Variants in ESS2 observed in about 807,000 individuals in gnomAD.
ESS2 encodes ess-2 spliceosome associated protein.
In ESS2, 31 loss-of-function variants were observed where a neutral mutation model predicts 52.0. The ratio of observed to expected loss-of-function variants is 0.60; its 90% CI spans 0.45 to 0.81. The LOEUF (loss-of-function observed/expected upper bound fraction) is 0.81, where lower values mean the gene tolerates loss of function less well. Ranked by LOEUF, ESS2 falls within the 30% of genes least tolerant of loss-of-function variation. The pLI is 0.00. For synonymous variants in ESS2, 285 were observed against 259.2 expected (o/e 1.10, Z -0.95); for missense variants, 602 against 637.2 (o/e 0.94, Z 0.59).
chr22:19,131,317 C>A lies in ESS2; in HGVS notation c.*2879G>T. The A allele has an allele frequency of 5.5e-6, 7 of 1,282,172 alleles. 1 individual carries two copies. The highest frequency in any genetic ancestry group is 3.8e-4 in the Middle Eastern group (2 of 5,226). 79.4% of individuals were successfully genotyped at this position (1,282,172 alleles called of 1,614,324 possible). On this transcript the variant is annotated 3_prime_UTR_variant, in exon 10 of 10. Transcript: ENST00000252137. The surrounding 1 kb of genome is among the most constrained non-coding windows in gnomAD (Gnocchi z 5.7). Reference sequence around the variant, plus strand: ...CCAGGGCAGCCCAGCCAGACGCCTCCGGTAGTGTAAATGAGGACAATGCCT... The same window carrying A: ...CCAGGGCAGCCCAGCCAGACGCCTCAGGTAGTGTAAATGAGGACAATGCCT...
chr22:19,142,464 C>T (rs1175960506), intron 3 of ESS2, 74 bp downstream of exon 3: 26 of 1,379,632 alleles, frequency 1.9e-5, no homozygotes, highest in Non-Finnish European at 2.6e-5. Flanking sequence ...TCTGGACCAC[C>T]CCCTCAGGGC....
At chr22:19,136,082 G>A (rs2083576560) in intron 8 of ESS2, among the ~76,000 whole-genome samples, 2 of 149,268 alleles carry the variant, frequency 1.3e-5, no homozygotes, top group Admixed American at 1.3e-4. Flanking sequence ...GCTCACGCCT[G>A]TAATCCCAGC....
In ESS2 at chr22:19,133,489, A is replaced by T. The variant is rs2083529910; in HGVS notation, c.*707T>A. On this transcript the variant is annotated 3_prime_UTR_variant, in exon 10 of 10. Transcript: ENST00000252137. The stretch of plus-strand genomic sequence containing the variant: ...GCAGCATAAGATGGGCAGTGCCTAT[A>T]GCAGAGGGGTGAGTGGGATAGTCCC... 6.6e-6 allele frequency: 1 copy of T among 152,600 alleles called. No homozygotes were observed. The highest frequency in any genetic ancestry group is 1.5e-5 in the Non-Finnish European group (1 of 68,356). 9.5% of individuals were successfully genotyped at this position (152,600 alleles called of 1,614,324 possible).
chr22:19,138,332 G>C lies in ESS2; in HGVS notation c.823-15C>G. ...CCCTGTTTGTGCTGGAACAAGCAGAGAGGCTGGCATCAGGGGGACCGCAGC... is the reference window on the plus strand; with the variant it reads ...CCCTGTTTGTGCTGGAACAAGCAGACAGGCTGGCATCAGGGGGACCGCAGC... On this transcript the variant is annotated splice_polypyrimidine_tract_variant and intron_variant, in intron 6 of 9. Coordinates refer to ENST00000252137, the MANE Select transcript of ESS2 (RefSeq NM_022719.3). The C allele has an allele frequency of 1.2e-6, 2 of 1,612,792 alleles. No homozygotes were observed. The highest frequency in any genetic ancestry group is 1.7e-6 in the Non-Finnish European group (2 of 1,179,186).
rs554154308 is a variant in ESS2 at position 19,141,914 on chromosome 22, T to G, written c.400+624A>C. Among the ~76,000 whole-genome samples the G allele has an allele frequency of 3.9e-5, 6 of 152,228 alleles. No individual in the cohort carries two copies. The South Asian group carries it at 1.2e-3, about 32-fold the overall frequency. ...TAAGGCAGGGAGAATTGCTTGAACC[T>G]GGGAGGTGGAGGTTGCAGTGAGCCG... On this transcript the variant is annotated intron_variant, in intron 3 of 9. Transcript: ENST00000252137.
In ESS2 at chr22:19,139,677, C is replaced by T; in HGVS notation, c.623G>A (p.Ser208Asn). ...LPSAEHQAIE[S>N]SQASVETWKY... is the part of the protein sequence containing the mutation. Reference sequence around the variant, plus strand: ...CCAGGTCTCCACACTGGCCTGGCTGCTCTCGATGGCCTGGTGCTCTGCTGA... The same window carrying T: ...CCAGGTCTCCACACTGGCCTGGCTGTTCTCGATGGCCTGGTGCTCTGCTGA... Residue 208 changes from serine (S) to asparagine (N), a missense_variant, in exon 5 of 10, where the codon AGC becomes AAC. By Grantham distance (46) the Ser-to-Asn change is conservative. Coordinates refer to ENST00000252137, the MANE Select transcript of ESS2 (RefSeq NM_022719.3). 6.2e-7 allele frequency: 1 copy of T among 1,614,238 alleles called. No homozygotes were observed. Among genetic ancestry groups the T allele is most frequent in the Non-Finnish European group, 8.5e-7 (1 of 1,180,036 alleles).
In ESS2 at chr22:19,132,265, GGGA is replaced by G; in HGVS notation, c.*1928_*1930del. ...TCTTCTGCCTCCTTCAAGAGGGAGG[GGGA>G]GGGCAAGTACCGCGCTGAGTGCAAA... On this transcript the variant is annotated 3_prime_UTR_variant, in exon 10 of 10. Transcript: ENST00000252137. The surrounding 1 kb of genome is among the most constrained non-coding windows in gnomAD (Gnocchi z 4.2). The G allele has an allele frequency of 6.2e-7, 1 of 1,612,784 alleles. No individual in the cohort carries two copies. The highest frequency in any genetic ancestry group is 8.5e-7 in the Non-Finnish European group (1 of 1,179,246).
intron 4 of ESS2, 39 bp from the exon 5 acceptor site, chr22:19,139,768 C>A: frequency 6.2e-7 from 1 of 1,614,016 alleles, no homozygotes; most frequent in Non-Finnish European, 8.5e-7. Flanking sequence ...CAGAGATGCC[C>A]CTGGGCATTG....
At chr22:19,136,021 C>G (rs1377154863) in intron 8 of ESS2, among the ~76,000 whole-genome samples, 2 of 130,794 alleles carry the variant, frequency 1.5e-5, no homozygotes, top group African/African-American at 3.0e-5. Flanking sequence ...CAGAGTGAAA[C>G]CCTATCTGTT....
rs761756482 is a variant in ESS2 at position 19,139,679 on chromosome 22, C to T, written c.621G>A (p.Glu207=). 5 of 1,614,122 alleles carry T rather than the reference C, an allele frequency of 3.1e-6. No individual in the cohort carries two copies. Among genetic ancestry groups the T allele is most frequent in the Middle Eastern group, 1.6e-4 (1 of 6,084 alleles). ...AGGTCTCCACACTGGCCTGGCTGCT[C>T]TCGATGGCCTGGTGCTCTGCTGACG... ...ELPSAEHQAI[E]SSQASVETWK... The change falls in exon 5 of 10, where the codon GAG becomes GAA. Residue 207 remains glutamate, a synonymous_variant. Transcript: ENST00000252137.
chr22:19,131,138 G>A lies in ESS2; in HGVS notation c.*3058C>T, dbSNP rs1161131144. The stretch of plus-strand genomic sequence containing the variant: ...GCTTCCTTCCAGCGGGCGGGGAGTG[G>A]GTGCTCCTGCCAGACCAGCCTGGCT... On this transcript the variant is annotated 3_prime_UTR_variant, in exon 10 of 10. Coordinates refer to ENST00000252137, the MANE Select transcript of ESS2 (RefSeq NM_022719.3). This position sits in a 1 kb window ranked among gnomAD's most constrained non-coding sequence, Gnocchi z 5.7. 4.5e-6 allele frequency: 2 copies of A among 441,804 alleles called. No individual in the cohort carries two copies. The highest frequency in any genetic ancestry group is 8.1e-6 in the Non-Finnish European group (2 of 246,902). 27.4% of individuals were successfully genotyped at this position (441,804 alleles called of 1,614,324 possible). A position where few individuals can be genotyped will look rare whatever the true frequency, so the allele number is the denominator to read the frequency against.
intron 8 of ESS2, 67 bp downstream of exon 8, chr22:19,137,256 A>T: frequency 8.4e-7 from 1 of 1,196,094 alleles, no homozygotes; most frequent in Non-Finnish European, 1.2e-6. Flanking sequence ...GTCCTGAGCC[A>T]CAGGCACTCA....
chr22:19,140,183 C>T (rs1212392920), intron 3 of ESS2, among the ~76,000 whole-genome samples, 159 bp from the exon 4 acceptor site: 3 of 152,192 alleles, frequency 2.0e-5, no homozygotes, highest in East Asian at 3.8e-4. Context: ...CAAGGACTCC[C>T]CACGGGGGCA....
intron 8 of ESS2, among the ~76,000 whole-genome samples, chr22:19,136,429 T>C (rs1037302943): frequency 6.6e-6 from 1 of 152,142 alleles, no homozygotes; most frequent in Non-Finnish European, 1.5e-5. Flanking sequence ...TGTTTTTACA[T>C]GTAACCTTTT....
At chr22:19,141,357 T>C (rs2083683120) in intron 3 of ESS2, among the ~76,000 whole-genome samples, 1 of 152,080 alleles carries the variant, frequency 6.6e-6, no homozygotes, top group African/African-American at 2.4e-5. Context: ...CGTTTGTCTA[T>C]ACATGCACTG....
chr22:19,132,491 C>T lies in ESS2; in HGVS notation c.*1705G>A, dbSNP rs759728904. The T allele has an allele frequency of 9.4e-6, 15 of 1,590,532 alleles. No individual in the cohort carries two copies. Among genetic ancestry groups the T allele is most frequent in the South Asian group, 3.4e-5 (3 of 88,310 alleles). ...CAAGCACCTAGCATGACAATGGCCC[C>T]GTTGTGTGTGGTGGGGGTCGGGGTT... is the stretch of plus-strand genomic sequence containing the variant. On this transcript the variant is annotated 3_prime_UTR_variant, in exon 10 of 10. Transcript: ENST00000252137. The surrounding 1 kb of genome is among the most constrained non-coding windows in gnomAD (Gnocchi z 4.2).
chr22:19,139,671 T>G lies in ESS2; in HGVS notation c.629A>C (p.Gln210Pro). 6.2e-7 allele frequency: 1 copy of G among 1,614,234 alleles called. No individual in the cohort carries two copies. Among genetic ancestry groups the G allele is most frequent in the Non-Finnish European group, 8.5e-7 (1 of 1,180,032 alleles). ...SAEHQAIESS[Q>P]ASVETWKYKA... ...GTACTTCCAGGTCTCCACACTGGCC[T>G]GGCTGCTCTCGATGGCCTGGTGCTC... Residue 210 changes from glutamine to proline, a missense_variant, in exon 5 of 10, where the codon CAG becomes CCG. Coordinates refer to ENST00000252137, the MANE Select transcript of ESS2 (RefSeq NM_022719.3).
Position 19,131,564 on chromosome 22 carries a change from A to G in ESS2, c.*2632T>C. On this transcript the variant is annotated 3_prime_UTR_variant, in exon 10 of 10. Coordinates refer to ENST00000252137, the MANE Select transcript of ESS2 (RefSeq NM_022719.3). This position sits in a 1 kb window ranked among gnomAD's most constrained non-coding sequence, Gnocchi z 5.7. Reference sequence around the variant, plus strand: ...AAACACCTACTGACTTTGTGGAGAGATTCCTTCCTCGGGAGATGGACATCC... The same window carrying G: ...AAACACCTACTGACTTTGTGGAGAGGTTCCTTCCTCGGGAGATGGACATCC... 1 of 1,614,066 alleles carries G rather than the reference A, an allele frequency of 6.2e-7. No individual in the cohort carries two copies. The highest frequency in any genetic ancestry group is 8.5e-7 in the Non-Finnish European group (1 of 1,180,012).
rs865985919 is a variant in ESS2, at chr22:19,140,079, G to A, written c.401-55C>T. On this transcript the variant is annotated intron_variant, in intron 3 of 9. Coordinates refer to ENST00000252137, the MANE Select transcript of ESS2 (RefSeq NM_022719.3). The stretch of plus-strand genomic sequence containing the variant: ...AGCACCCTTTGCAGTCAGGAAAGAG[G>A]AGGACACCCAGGCCCAGGAATCATA... 52 of 1,592,898 alleles carry A rather than the reference G, an allele frequency of 3.3e-5. No individual in the cohort carries two copies. In the African/African-American group the frequency reaches 4.4e-4, roughly 14 times the overall value.
Sources: allele counts gnomAD v4.1 joint callset (sites outside exome capture counted in the v4.1 genomes callset), GRCh38; gene constraint gnomAD v4.1.1; non-coding constraint Gnocchi (gnomAD v3.1); transcripts MANE v1.5; gene names NCBI Gene and HGNC (gene_info 2026-07-23, HGNC 2026-07-21).